ILDR1: variants seen among roughly 807,000 people sequenced by gnomAD.
ILDR1 encodes immunoglobulin like domain containing receptor 1.
A neutral mutation model predicts 62.4 loss-of-function variants in ILDR1; 56 were observed. The ratio of observed to expected loss-of-function variants is 0.90; its 90% CI spans 0.72 to 1.12. The LOEUF is 1.12. Ranked by LOEUF, ILDR1 falls within the 50% of genes most tolerant of loss-of-function variation. The probability of loss-of-function intolerance (pLI) is 0.00; values close to 1 mark genes in which losing one functional copy is unlikely to be tolerated. For missense variants in ILDR1, 736 were observed against 710.6 expected, an observed-to-expected ratio of 1.04 and a Z score of -0.41; for synonymous variants, 284 against 277.8, an observed-to-expected ratio of 1.02 and a Z score of -0.22.
chr3:122,006,975 G>A lies in ILDR1; in HGVS notation c.229+16C>T, dbSNP rs1402237792. 6.2e-7 allele frequency: 1 copy of A among 1,609,306 alleles called. No individual in the cohort carries two copies. The highest frequency in any genetic ancestry group is 2.2e-5 in the East Asian group (1 of 44,800). ...GTCTGGGACCCACAGAGGGCCAAGGGGGTAAGGATACTCACACGCTGAGTA... is the reference window on the plus strand; with the variant it reads ...GTCTGGGACCCACAGAGGGCCAAGGAGGTAAGGATACTCACACGCTGAGTA... On this transcript the variant is annotated intron_variant, in intron 2 of 7. Coordinates refer to ENST00000344209, the MANE Select transcript of ILDR1 (RefSeq NM_001199799.2).
intron 1 of ILDR1, among the ~76,000 whole-genome samples, chr3:122,011,785 TATG>T (rs1423274047): frequency 1.3e-5 from 2 of 151,958 alleles, no homozygotes; most frequent in African/African-American, 4.8e-5. Flanking sequence ...TAGCATCTAT[TATG>T]CACCGGGTGA....
intron 5 of ILDR1, 109 bp downstream of exon 5, chr3:122,001,199 G>T (rs1414475210): frequency 1.6e-6 from 2 of 1,248,456 alleles, no homozygotes; most frequent in Non-Finnish European, 2.3e-6. Flanking sequence ...ATGGGAGAAG[G>T]GCATGGAGGA....
At position 121,993,941 on chromosome 3, in the gene ILDR1, T is replaced by C. The variant is rs1263804712; in HGVS notation, c.808A>G (p.Met270Val). ...TGATTGGTGGTCTGGGTCATTGGCA[T>C]CTGCGGGAGGCTGGACGGCAGGGAC... ...DLSLPSSLPQ[M>V]PMTQTTNQPP... The change falls in exon 7 of 8, where the codon ATG becomes GTG. Residue 270 changes from methionine (M) to valine (V), a missense_variant. Met to Val is a conservative substitution (Grantham distance 21, BLOSUM62 1). Transcript: ENST00000344209. The C allele has an allele frequency of 3.1e-6, 5 of 1,612,538 alleles. No individual in the cohort carries two copies. In the East Asian group the frequency reaches 6.7e-5, roughly 22 times the overall value.
At chr3:122,026,209 G>A (rs990491379), upstream of ILDR1, among the ~76,000 whole-genome samples, 3 of 152,212 alleles carry the variant, frequency 2.0e-5, no homozygotes, top group African/African-American at 4.8e-5. Flanking sequence ...GAGGCATAAT[G>A]AGAATTGCAT....
chr3:121,991,009 G>A (rs2071336455), intron 7 of ILDR1, among the ~76,000 whole-genome samples: 1 of 152,130 alleles, frequency 6.6e-6, no homozygotes, highest in South Asian at 2.1e-4. Context: ...AGACCATCCC[G>A]GCCAACATGG....
chr3:121,993,987 A>C lies in ILDR1; in HGVS notation c.779-17T>G. 2 of 1,602,798 alleles carry C rather than the reference A, an allele frequency of 1.2e-6. No individual in the cohort carries two copies. The highest frequency in any genetic ancestry group is 1.7e-6 in the Non-Finnish European group (2 of 1,177,942). The stretch of plus-strand genomic sequence containing the variant: ...GGGACAAATCTGAATGGAAACAAGG[A>C]CAGGACAATAGAACAAATGGCCCAA... On this transcript the variant is annotated splice_polypyrimidine_tract_variant and intron_variant, in intron 6 of 7. Transcript: ENST00000344209.
chr3:122,047,641 A>T, the ILDR1 span, among the ~76,000 whole-genome samples: 1 of 152,190 alleles, frequency 6.6e-6, no homozygotes, highest in Non-Finnish European at 1.5e-5. Context: ...AGCCGGTCTG[A>T]AAAGCGCAAT....
At chr3:122,022,342 C>A (rs955465416), upstream of ILDR1, 3 of 403,792 alleles carry the variant, frequency 7.4e-6, no homozygotes, top group Admixed American at 4.7e-5. Flanking sequence ...GGGACTGCGG[C>A]CACCTTCCCT....
intron 2 of ILDR1, 110 bp downstream of exon 2, chr3:122,006,881 T>C (rs1381505940): frequency 1.7e-6 from 2 of 1,185,750 alleles, no homozygotes; most frequent in Non-Finnish European, 2.4e-6. Flanking sequence ...TCTTTGTGTC[T>C]TCTCCTCACT....
At chr3:122,045,226 C>T in the ILDR1 span, among the ~76,000 whole-genome samples, 9 of 149,468 alleles carry the variant, frequency 6.0e-5, no homozygotes, top group African/African-American at 2.2e-4. Flanking sequence ...AGTTGAGCAG[C>T]TTTGAGTGAG....
intron 1 of ILDR1, 63 bp downstream of exon 1, chr3:122,021,957 C>T: frequency 6.6e-7 from 1 of 1,514,442 alleles, no homozygotes; most frequent in South Asian, 1.2e-5. Flanking sequence ...CTCTGCAAGG[C>T]CACGCCACAA....
At chr3:122,027,481 C>G in the ILDR1 span, among the ~76,000 whole-genome samples, 1 of 152,178 alleles carries the variant, frequency 6.6e-6, no homozygotes, top group African/African-American at 2.4e-5. Context: ...TGAGCCACTG[C>G]GCCTGGCCTG....
chr3:122,020,810 G>A (rs1398821635), intron 1 of ILDR1, among the ~76,000 whole-genome samples: 2 of 152,240 alleles, frequency 1.3e-5, no homozygotes, highest in Non-Finnish European at 2.9e-5. Context: ...CCAACATCTA[G>A]TCTTGTCAAC....
the ILDR1 span, among the ~76,000 whole-genome samples, chr3:122,028,152 C>G: frequency 6.6e-6 from 1 of 151,330 alleles, no homozygotes. Flanking sequence ...ATGGTGAAAC[C>G]CTGTCTCTAC....
rs2071269652 is a variant in ILDR1 at position 121,987,613 on chromosome 3, T to C, written c.*754A>G. The C allele has an allele frequency of 6.6e-6, 1 of 152,414 alleles. No individual in the cohort carries two copies. The highest frequency in any genetic ancestry group is 1.5e-5 in the Non-Finnish European group (1 of 68,272). 9.4% of individuals were successfully genotyped at this position (152,414 alleles called of 1,614,324 possible). ...CTAACAAGAAAGGACCCTCAAGACA[T>C]GCCATGGAGGAAGATACATTCCCAT... On this transcript the variant is annotated 3_prime_UTR_variant, in exon 8 of 8. Coordinates refer to ENST00000344209, the MANE Select transcript of ILDR1 (RefSeq NM_001199799.2).
intron 1 of ILDR1, among the ~76,000 whole-genome samples, chr3:122,018,214 A>T (rs1034371765): frequency 6.6e-6 from 1 of 152,212 alleles, no homozygotes; most frequent in African/African-American, 2.4e-5. Flanking sequence ...ATGCATCCAT[A>T]AAAAGGATGA....
chr3:122,001,687 T>C, intron 4 of ILDR1, 58 bp downstream of exon 4: 1 of 1,572,978 alleles, frequency 6.4e-7, no homozygotes. Flanking sequence ...TTTTTTCCTG[T>C]GAGTAAAAGT....
At chr3:122,017,021 A>G (rs142145062) in intron 1 of ILDR1, among the ~76,000 whole-genome samples, 1 of 152,336 alleles carries the variant, frequency 6.6e-6, no homozygotes, top group African/African-American at 2.4e-5. Context: ...AACTGGGGAC[A>G]TGGCCAGAGT....
intron 1 of ILDR1, among the ~76,000 whole-genome samples, chr3:122,018,589 G>C (rs1171361214): frequency 6.6e-6 from 1 of 152,180 alleles, no homozygotes; most frequent in Admixed American, 6.5e-5. Context: ...ATAGGAGAGA[G>C]AGCAATGGAG....
Sources: allele counts gnomAD v4.1 joint callset (sites outside exome capture counted in the v4.1 genomes callset), GRCh38; gene constraint gnomAD v4.1.1; transcripts MANE v1.5; gene names NCBI Gene and HGNC (gene_info 2026-07-23, HGNC 2026-07-21).